The following NXN variants were observed in gnomAD, a reference collection of about 807,000 sequenced individuals.
NXN encodes nucleoredoxin, also known as nucleoredoxin 1.
A neutral mutation model predicts 48.6 loss-of-function variants in NXN; 16 were observed. The observed-to-expected ratio is 0.33, with a 90% CI of 0.22 to 0.50. The LOEUF (loss-of-function observed/expected upper bound fraction) is 0.50, where lower values mean the gene tolerates loss of function less well. Ranked by LOEUF, NXN falls within the 20% of genes least tolerant of loss-of-function variation. The pLI is 0.98. For missense variants in NXN, 492 were observed against 605.5 expected, an observed-to-expected ratio of 0.81 and a Z score of 1.97; for synonymous variants, 281 against 269.6, an observed-to-expected ratio of 1.04 and a Z score of -0.41.
chr17:848,805 A>G lies in NXN; in HGVS notation c.361-22727T>C, dbSNP rs139825291. Among the ~76,000 whole-genome samples the G allele has an allele frequency of 3.6e-3, 555 of 152,328 alleles. 3 individuals carry two copies. The highest frequency in any genetic ancestry group is 0.012 in the African/African-American group (505 of 41,580). ...AGGAATGGCCCTGGATGTCAGATGC[A>G]TCAGACAGAGAGGCTGAAGTGTGGT... On this transcript the variant is annotated intron_variant, in intron 1 of 7. Coordinates refer to ENST00000336868, the MANE Select transcript of NXN (RefSeq NM_022463.5).
chr17:881,696 C>T (rs375845033), intron 1 of NXN, among the ~76,000 whole-genome samples: 1 of 152,214 alleles, frequency 6.6e-6, no homozygotes, highest in East Asian at 1.9e-4. Context: ...CCACCCCAAA[C>T]TGACAACAAC....
chr17:971,108 G>A (rs372748170), intron 1 of NXN, among the ~76,000 whole-genome samples: 9 of 151,740 alleles, frequency 5.9e-5, no homozygotes, highest in Admixed American at 3.3e-4. Context: ...CACCACACCC[G>A]GCTAATTTTG....
chr17:803,876 GC>G, intron 6 of NXN, 70 bp from the exon 7 acceptor site: 2 of 1,593,432 alleles, frequency 1.3e-6, no homozygotes, highest in Non-Finnish European at 1.7e-6. Context: ...AGCGGCACCC[GC>G]CGAGGGGGCC....
At chr17:822,491 C>A in intron 3 of NXN, 34 bp from the exon 4 acceptor site, 1 of 1,505,666 alleles carries the variant, frequency 6.6e-7, no homozygotes, top group African/African-American at 1.4e-5. Flanking sequence ...CGCTGCGTCA[C>A]GCTGCTTCTC....
intron 1 of NXN, among the ~76,000 whole-genome samples, chr17:848,026 A>T (rs1225523421): frequency 6.6e-6 from 1 of 152,150 alleles, no homozygotes; most frequent in Non-Finnish European, 1.5e-5. Context: ...GGGCGAGTGA[A>T]GGATCGAAGA....
intron 1 of NXN, among the ~76,000 whole-genome samples, chr17:890,132 C>T (rs2068399999): frequency 6.6e-6 from 1 of 151,896 alleles, no homozygotes. Flanking sequence ...GTGTCTGGAC[C>T]TACTCGTTAT....
chr17:865,250 C>CA (rs1555615941), intron 1 of NXN, among the ~76,000 whole-genome samples: 5 of 149,788 alleles, frequency 3.3e-5, no homozygotes, highest in Non-Finnish European at 4.5e-5. Context: ...TGGAGTTACA[C>CA]TTTTTTTTTT....
rs11870148 is a variant in NXN at position 822,238 on chromosome 17, C to T, written c.713+119G>A. The T allele has an allele frequency of 0.039, 26,461 of 670,602 alleles. 748 individuals carry two copies. Among genetic ancestry groups the T allele is most frequent in the African/African-American group, 0.11 (5,860 of 55,480 alleles). The allele number at this position is 670,602 out of a possible 1,614,324, so 41.5% of individuals were successfully genotyped here. A position where few individuals can be genotyped will look rare whatever the true frequency, so the allele number is the denominator to read the frequency against. Reference sequence around the variant, plus strand: ...AGGTTGCAGTGAGCTGAGATCACACCACTGCACTCCAGCCTGGGAGACAAG... The same window carrying T: ...AGGTTGCAGTGAGCTGAGATCACACTACTGCACTCCAGCCTGGGAGACAAG... On this transcript the variant is annotated intron_variant, in intron 4 of 7. Coordinates refer to ENST00000336868, the MANE Select transcript of NXN (RefSeq NM_022463.5).
At position 920,892 on chromosome 17, in the gene NXN, T is replaced by C. The variant is rs1046823228; in HGVS notation, c.360+58427A>G. Among the ~76,000 whole-genome samples the C allele has an allele frequency of 5.3e-5, 8 of 151,982 alleles. No individual in the cohort carries two copies. The highest frequency in any genetic ancestry group is 1.5e-4 in the African/African-American group (6 of 41,378). On this transcript the variant is annotated intron_variant, in intron 1 of 7. Coordinates refer to ENST00000336868, the MANE Select transcript of NXN (RefSeq NM_022463.5). The surrounding 1 kb of genome is among the most constrained non-coding windows in gnomAD (Gnocchi z 4.6). ...CGCCCGCCACCATGTCCGGCTAATTTTTGTAATTTTAGTAAAGACGGGGTT... is the reference window on the plus strand; with the variant it reads ...CGCCCGCCACCATGTCCGGCTAATTCTTGTAATTTTAGTAAAGACGGGGTT...
At chr17:935,195 T>C (rs2068895550) in intron 1 of NXN, among the ~76,000 whole-genome samples, 3 of 151,984 alleles carry the variant, frequency 2.0e-5, no homozygotes, top group South Asian at 4.1e-4. Flanking sequence ...GGTTTTACCA[T>C]GTTGGCCAGG....
intron 1 of NXN, among the ~76,000 whole-genome samples, chr17:925,543 C>T (rs1231121426): frequency 1.3e-5 from 2 of 152,226 alleles, no homozygotes; most frequent in Non-Finnish European, 1.5e-5. Context: ...CGCCCGCCAC[C>T]ATGTCTGGCT....
chr17:814,321 C>A (rs1440406519), intron 5 of NXN, among the ~76,000 whole-genome samples: 1 of 152,072 alleles, frequency 6.6e-6, no homozygotes, highest in Non-Finnish European at 1.5e-5. Context: ...TTTCAGGTGA[C>A]CCCCTGGCCT....
intron 1 of NXN, among the ~76,000 whole-genome samples, chr17:858,450 G>A (rs1275892992): frequency 6.6e-6 from 1 of 152,068 alleles, no homozygotes; most frequent in Admixed American, 6.5e-5. Flanking sequence ...CCTACAGGCT[G>A]GGCGCGGTGG....
At chr17:878,514 G>A (rs1016751657) in intron 1 of NXN, among the ~76,000 whole-genome samples, 4 of 135,274 alleles carry the variant, frequency 3.0e-5, no homozygotes, top group Admixed American at 1.5e-4. Flanking sequence ...TTGAAGGTGG[G>A]GTTTGGGGGC....
chr17:825,952 A>G lies in NXN; in HGVS notation c.478+9T>C, dbSNP rs1254302100. ...ATAAGAGGACCATATGCACGGGCTGAGGTTTTACCTTCTGGGTCATCTCGG... is the reference window on the plus strand; with the variant it reads ...ATAAGAGGACCATATGCACGGGCTGGGGTTTTACCTTCTGGGTCATCTCGG... On this transcript the variant is annotated intron_variant, in intron 2 of 7. Coordinates refer to ENST00000336868, the MANE Select transcript of NXN (RefSeq NM_022463.5). The surrounding 1 kb of genome is among the most constrained non-coding windows in gnomAD (Gnocchi z 4.1). 3 of 1,578,502 alleles carry G rather than the reference A, an allele frequency of 1.9e-6. No homozygotes were observed. Among genetic ancestry groups the G allele is most frequent in the South Asian group, 2.3e-5 (2 of 88,796 alleles).
chr17:812,078 T>C (rs369168659), intron 5 of NXN, among the ~76,000 whole-genome samples: 94 of 151,224 alleles, frequency 6.2e-4, no homozygotes, highest in Admixed American at 1.2e-3. Context: ...CAGGCGCCCG[T>C]CACCACGCCT....
Position 979,651 on chromosome 17 carries a change from C to T in NXN, c.28G>A (p.Gly10Ser). 1 of 1,471,626 alleles carries T rather than the reference C, an allele frequency of 6.8e-7. No homozygotes were observed. The allele number at this position is 1,471,626 out of a possible 1,614,324, so 91.2% of individuals were successfully genotyped here. A position where few individuals can be genotyped will look rare whatever the true frequency, so the allele number is the denominator to read the frequency against. The change falls in exon 1 of 8, where the codon GGC (glycine) becomes AGC (serine). Residue 10 changes from glycine to serine, a missense_variant. Around this residue, in one of 3 missense-constraint regions of NXN, gnomAD observed 186 missense variants for 199.1 expected, o/e 0.93. Coordinates refer to ENST00000336868, the MANE Select transcript of NXN (RefSeq NM_022463.5). ...CCGCCGCCCGTCACCAGCTTCTCGC[C>T]GAGCAGCTCCTCCAGGAAGCCCGAC... Reference protein sequence around the residue: MSGFLEELLGEKLVTGGGEE... With the variant: MSGFLEELLSEKLVTGGGEE...
rs183717104 is a variant in NXN, at chr17:805,273, C to T, written c.821-26G>A. ...CTGCAGGGAAGAGGGGGTGCTTGGC[C>T]GCTGGCCCGGGAGATGCTGGCCCTG... On this transcript the variant is annotated intron_variant, in intron 5 of 7. Transcript: ENST00000336868. 2.8e-4 allele frequency: 439 copies of T among 1,590,830 alleles called. 3 individuals are homozygous for T. The South Asian group carries it at 3.9e-3, about 14-fold the overall frequency.
At chr17:859,192 C>T (rs2068017256) in intron 1 of NXN, among the ~76,000 whole-genome samples, 1 of 152,182 alleles carries the variant, frequency 6.6e-6, no homozygotes, top group South Asian at 2.1e-4. Context: ...ATGAGGCCTT[C>T]TCAGTCTGAG....
Sources: gnomAD v4.1 joint callset for allele counts (sites outside exome capture counted in the v4.1 genomes callset) on GRCh38, gnomAD v4.1.1 for gene constraint, gnomAD v4.1.1 regional missense constraint, Gnocchi (gnomAD v3.1) non-coding constraint, MANE v1.5 for transcripts, NCBI Gene and HGNC (gene_info 2026-07-23, HGNC 2026-07-21) for gene names.